The following SP4 variants were observed in gnomAD, a reference collection of about 807,000 sequenced individuals.
SP4 encodes the protein transcription factor Sp4.
Under a neutral mutation model 72.8 loss-of-function variants are expected in SP4, and 19 were observed. The observed-to-expected ratio is 0.26, with a 90% CI of 0.18 to 0.38. The LOEUF is 0.38. Ranked by LOEUF, SP4 falls within the 10% of genes least tolerant of loss-of-function variation. The pLI is 1.00. For synonymous variants in SP4, 395 were observed against 333.1 expected, an observed-to-expected ratio of 1.19 and a Z score of -2.02; for missense variants, 1,008 against 926.3, an observed-to-expected ratio of 1.09 and a Z score of -1.14.
intron 3 of SP4, among the ~76,000 whole-genome samples, chr7:21,433,175 T>C (rs1293863908): frequency 6.6e-6 from 1 of 152,212 alleles, no homozygotes; most frequent in African/African-American, 2.4e-5. Context: ...AGATGGCTAC[T>C]GTATGCTGAA....
chr7:21,429,410 A>G lies in SP4; in HGVS notation c.245A>G (p.Gln82Arg). 2.5e-6 allele frequency: 4 copies of G among 1,614,154 alleles called. No homozygotes were observed. Among genetic ancestry groups the G allele is most frequent in the Non-Finnish European group, 3.4e-6 (4 of 1,180,000 alleles). Residue 82 changes from glutamine (Q) to arginine (R), a missense_variant, in exon 3 of 6, where the codon CAA becomes CGA. Gln to Arg is a conservative substitution (Grantham distance 43). Around this residue, in one of 3 missense-constraint regions of SP4, gnomAD observed 893 missense variants for 743.3 expected, o/e 1.20. Transcript: ENST00000222584. ...IIIDPSQGLV[Q>R]LQNQPQQLEL... is the part of the protein sequence containing the mutation. The stretch of plus-strand genomic sequence containing the variant: ...ATAGATCCAAGTCAAGGATTGGTGC[A>G]ACTTCAAAATCAACCACAACAGCTA...
chr7:21,490,316 A>T (rs748430944), intron 5 of SP4, among the ~76,000 whole-genome samples: 14 of 152,230 alleles, frequency 9.2e-5, no homozygotes, highest in Non-Finnish European at 2.1e-4. Context: ...GTATCTAACC[A>T]GAAAAGCAAG....
At chr7:21,508,140 C>T (rs1782052365) in intron 5 of SP4, among the ~76,000 whole-genome samples, 1 of 152,136 alleles carries the variant, frequency 6.6e-6, no homozygotes, top group Non-Finnish European at 1.5e-5. Flanking sequence ...GATGCCCGGA[C>T]AGAGTGGGCC....
chr7:21,455,982 A>G (rs935157828), intron 3 of SP4, among the ~76,000 whole-genome samples: 1 of 152,112 alleles, frequency 6.6e-6, no homozygotes, highest in African/African-American at 2.4e-5. Context: ...CTTGGTGCAT[A>G]TTGGGAAGGG....
At chr7:21,470,412 G>T (rs1225144132) in intron 3 of SP4, among the ~76,000 whole-genome samples, 1 of 152,168 alleles carries the variant, frequency 6.6e-6, no homozygotes, top group Non-Finnish European at 1.5e-5. Flanking sequence ...CAATTCTTGA[G>T]ATCCCTTAGG....
In SP4 at chr7:21,511,307, G is replaced by C; in HGVS notation, c.*38G>C. 1.3e-6 allele frequency: 2 copies of C among 1,586,358 alleles called. No homozygotes were observed. The highest frequency in any genetic ancestry group is 8.6e-7 in the Non-Finnish European group (1 of 1,163,468). ...AACAGAGACCTCTAGTGCTGCACTT[G>C]TTTACACACCTTTGAAAATCTGGAA... On this transcript the variant is annotated 3_prime_UTR_variant, in exon 6 of 6. Transcript: ENST00000222584.
intron 3 of SP4, among the ~76,000 whole-genome samples, chr7:21,454,328 A>G (rs1783694458): frequency 6.7e-6 from 1 of 148,648 alleles, no homozygotes; most frequent in South Asian, 2.1e-4. Context: ...ATTATATAAC[A>G]TTTCTTTATA....
intron 3 of SP4, among the ~76,000 whole-genome samples, chr7:21,447,706 CAG>C (rs1447877890): frequency 1.3e-5 from 2 of 152,166 alleles, no homozygotes; most frequent in African/African-American, 2.4e-5. Flanking sequence ...TTTTTTGAGA[CAG>C]AGTCTTGCTC....
intron 3 of SP4, among the ~76,000 whole-genome samples, chr7:21,452,748 C>T (rs891611162): frequency 1.3e-5 from 2 of 151,766 alleles, no homozygotes; most frequent in Non-Finnish European, 2.9e-5. Context: ...GAAGTATGTT[C>T]CAAATTTTGT....
At chr7:21,442,150 T>A (rs60854628) in intron 3 of SP4, among the ~76,000 whole-genome samples, 30,665 of 149,658 alleles carry the variant, frequency 0.2, 4,466 homozygotes, top group East Asian at 0.63. Context: ...GTGATTCTCC[T>A]CCCTCAGCCT....
chr7:21,450,620 G>A (rs186100496), intron 3 of SP4, among the ~76,000 whole-genome samples: 133 of 152,264 alleles, frequency 8.7e-4, no homozygotes, highest in African/African-American at 3.1e-3. Context: ...TATGGTGGAA[G>A]AAGAAATTTA....
chr7:21,511,570 T>C lies in SP4; in HGVS notation c.*301T>C, dbSNP rs1782143649. Reference sequence around the variant, plus strand: ...CATCTCTTAATATCATGTGTTAACATGTTTAAAAAGACCTTAGTAGTTTGC... The same window carrying C: ...CATCTCTTAATATCATGTGTTAACACGTTTAAAAAGACCTTAGTAGTTTGC... On this transcript the variant is annotated 3_prime_UTR_variant, in exon 6 of 6. Coordinates refer to ENST00000222584, the MANE Select transcript of SP4 (RefSeq NM_003112.5). The C allele has an allele frequency of 3.9e-6, 1 of 259,112 alleles. No homozygotes were observed. The highest frequency in any genetic ancestry group is 7.4e-6 in the Non-Finnish European group (1 of 134,334). 16.1% of individuals were successfully genotyped at this position (259,112 alleles called of 1,614,324 possible).
At chr7:21,486,055 T>C (rs1035418142) in intron 5 of SP4, among the ~76,000 whole-genome samples, 28 of 152,046 alleles carry the variant, frequency 1.8e-4, no homozygotes, top group African/African-American at 6.8e-4. Flanking sequence ...TTTCTCTTTC[T>C]GCTTAATTTG....
At chr7:21,457,371 C>G (rs1236445059) in intron 3 of SP4, among the ~76,000 whole-genome samples, 3 of 152,158 alleles carry the variant, frequency 2.0e-5, no homozygotes, top group African/African-American at 7.2e-5. Flanking sequence ...CTACCTCTGA[C>G]ACTTCAATAG....
At chr7:21,499,290 C>T (rs897398946) in intron 5 of SP4, among the ~76,000 whole-genome samples, 2 of 151,960 alleles carry the variant, frequency 1.3e-5, no homozygotes, top group African/African-American at 4.8e-5. Context: ...TTGTTTCTTC[C>T]AAAAAGATAT....
rs1207976819 is a variant in SP4, at chr7:21,513,214, T to G, written c.*1945T>G. On this transcript the variant is annotated 3_prime_UTR_variant, in exon 6 of 6. Coordinates refer to ENST00000222584, the MANE Select transcript of SP4 (RefSeq NM_003112.5). ...ATCACTGTTTACACTATGTACACTT[T>G]AGGCCAGCCCTTTGTAGCGTTATAT... The G allele has an allele frequency of 6.5e-6, 1 of 152,754 alleles. No homozygotes were observed. The highest frequency in any genetic ancestry group is 1.9e-4 in the East Asian group (1 of 5,182). 9.5% of individuals were successfully genotyped at this position (152,754 alleles called of 1,614,324 possible).
Position 21,430,565 on chromosome 7 carries a change from T to G in SP4, c.1400T>G (p.Ile467Ser). ...RAPTLTPSGQ[I>S]SWQTVQVQNI... ...CCAACTTTAACACCTTCAGGGCAAA[T>G]CAGTTGGCAAACTGTACAGGTTCAG... is the stretch of plus-strand genomic sequence containing the variant. The change falls in exon 3 of 6, where the codon ATC becomes AGC. Residue 467 changes from isoleucine to serine, a missense_variant. By Grantham distance (142) the Ile-to-Ser change is moderately radical. Coordinates refer to ENST00000222584, the MANE Select transcript of SP4 (RefSeq NM_003112.5). 6.2e-7 allele frequency: 1 copy of G among 1,614,180 alleles called. No homozygotes were observed. The highest frequency in any genetic ancestry group is 8.5e-7 in the Non-Finnish European group (1 of 1,180,036).
chr7:21,514,483 TC>T lies in SP4; in HGVS notation c.*3216del, dbSNP rs1465540918. 1 of 151,832 alleles carries T rather than the reference TC, an allele frequency of 6.6e-6. No individual in the cohort carries two copies. The highest frequency in any genetic ancestry group is 1.5e-5 in the Non-Finnish European group (1 of 67,898). The allele number at this position is 151,832 out of a possible 1,614,324, so 9.4% of individuals were successfully genotyped here. On this transcript the variant is annotated 3_prime_UTR_variant, in exon 6 of 6. Coordinates refer to ENST00000222584, the MANE Select transcript of SP4 (RefSeq NM_003112.5). ...TAAAATGTAAATGTTTTGCAAAAAT[TC>T]CTTATAAAAAGTTTTGTAGTAACAT... is the stretch of plus-strand genomic sequence containing the variant.
intron 3 of SP4, among the ~76,000 whole-genome samples, chr7:21,453,201 A>G (rs1449554723): frequency 1.3e-5 from 2 of 152,244 alleles, no homozygotes; most frequent in African/African-American, 4.8e-5. Context: ...AGTTCAGTCC[A>G]TGCAGTTAAC....
Sources: gnomAD v4.1 joint callset for allele counts (sites outside exome capture counted in the v4.1 genomes callset) on GRCh38, gnomAD v4.1.1 for gene constraint, gnomAD v4.1.1 regional missense constraint, MANE v1.5 for transcripts, NCBI Gene and HGNC (gene_info 2026-07-23, HGNC 2026-07-21) for gene names.